Variants in MIIP observed in about 807,000 individuals in gnomAD.
MIIP encodes the protein migration and invasion-inhibitory protein.
Under a neutral mutation model 44.8 loss-of-function variants are expected in MIIP, and 44 were observed. The observed-to-expected ratio is 0.98, with a 90% CI of 0.77 to 1.26. The LOEUF is 1.26. Among genes scored for constraint, MIIP ranks in the 50% most tolerant of loss-of-function variants. The pLI, the probability that MIIP is intolerant of heterozygous loss-of-function variation, is 0.00. For missense variants in MIIP, 496 were observed against 511.7 expected, an observed-to-expected ratio of 0.97 and a Z score of 0.30; for synonymous variants, 225 against 218.3, an observed-to-expected ratio of 1.03 and a Z score of -0.27.
chr1:12,021,503 T>TGTC (rs1194261558), intron 1 of MIIP, 142 bp from the exon 2 acceptor site: 1 of 570,142 alleles, frequency 1.8e-6, no homozygotes, highest in African/African-American at 1.9e-5. Context: ...TAGATACTGT[T>TGTC]GTCGTCCAGC....
At position 12,031,263 on chromosome 1, in the gene MIIP, C is replaced by T. The variant is rs371268738; in HGVS notation, c.943-3C>T. The T allele has an allele frequency of 6.7e-5, 108 of 1,612,770 alleles. No homozygotes were observed. The highest frequency in any genetic ancestry group is 3.8e-4 in the Admixed American group (23 of 59,834). On this transcript the variant is annotated splice_polypyrimidine_tract_variant and splice_region_variant and intron_variant, in intron 8 of 9. Transcript: ENST00000235332. ...GGCACTTTTAACTCCTTGCCTTCCA[C>T]AGCACTGCCTGCTGGGCTGGGACAT...
intron 4 of MIIP, 140 bp from the exon 5 acceptor site, chr1:12,028,893 T>C: frequency 1.5e-6 from 1 of 662,898 alleles, no homozygotes; most frequent in Middle Eastern, 4.1e-4. Context: ...GGGGCCCTCC[T>C]GGCCTGTTTG....
chr1:12,025,675 G>T (rs1291908348), intron 4 of MIIP, among the ~76,000 whole-genome samples: 4 of 152,096 alleles, frequency 2.6e-5, no homozygotes, highest in East Asian at 3.9e-4. Flanking sequence ...CCCATGATGT[G>T]ACCTCCCGTC....
At chr1:12,031,509 G>C in intron 9 of MIIP, 106 bp downstream of exon 9, 1 of 1,560,012 alleles carries the variant, frequency 6.4e-7, no homozygotes, top group South Asian at 1.2e-5. Context: ...ATTGAGGTGG[G>C]GAGGATGGAG....
intron 4 of MIIP, among the ~76,000 whole-genome samples, chr1:12,027,389 C>T (rs1010328447): frequency 2.6e-5 from 4 of 152,166 alleles, no homozygotes; most frequent in Non-Finnish European, 1.5e-5. Context: ...CAGTGGCCTC[C>T]GTGGTGCCAA....
chr1:12,027,839 C>A (rs1640135510), intron 4 of MIIP, among the ~76,000 whole-genome samples: 1 of 152,206 alleles, frequency 6.6e-6, no homozygotes, highest in Non-Finnish European at 1.5e-5. Context: ...AATGGCAACT[C>A]CAAATACTAA....
chr1:12,023,057 CTCTT>C, intron 4 of MIIP, 140 bp downstream of exon 4: 2 of 522,154 alleles, frequency 3.8e-6, no homozygotes, highest in Non-Finnish European at 6.6e-6. Context: ...GGGGAGCACC[CTCTT>C]TTTTTTTTTT....
intron 8 of MIIP, 67 bp downstream of exon 8, chr1:12,030,191 G>A: frequency 6.7e-7 from 1 of 1,496,716 alleles, no homozygotes; most frequent in Non-Finnish European, 9.3e-7. Context: ...CAGATCCCCA[G>A]GGAGGGTCAC....
intron 4 of MIIP, 140 bp downstream of exon 4, chr1:12,023,057 C>CCCT: frequency 1.9e-6 from 1 of 522,158 alleles, no homozygotes. Flanking sequence ...GGGGAGCACC[C>CCCT]TCTTTTTTTT....
chr1:12,029,441 A>G (rs748633188), intron 6 of MIIP, 160 bp downstream of exon 6: 87 of 851,782 alleles, frequency 1.0e-4, no homozygotes, highest in Non-Finnish European at 1.6e-4. Flanking sequence ...AGGGTGGCCA[A>G]GCCCTGGTAG....
At chr1:12,020,610 C>T (rs758007104) in intron 1 of MIIP, among the ~76,000 whole-genome samples, 13 of 152,128 alleles carry the variant, frequency 8.5e-5, no homozygotes, top group Non-Finnish European at 1.3e-4. Flanking sequence ...CAGGTTCAAG[C>T]GATTCTCCTG....
rs766822044 is a variant in MIIP, at chr1:12,022,935, C to T, written c.547+18C>T. 26 of 1,591,956 alleles carry T rather than the reference C, an allele frequency of 1.6e-5. 1 individual carries two copies. The highest frequency in any genetic ancestry group is 1.7e-4 in the Middle Eastern group (1 of 5,830). The stretch of plus-strand genomic sequence containing the variant: ...GATTGCAGGTAAGGCGTGCTGTTGC[C>T]CTGCACACACTTTGCCTGGGAGTGG... On this transcript the variant is annotated intron_variant, in intron 4 of 9. Coordinates refer to ENST00000235332, the MANE Select transcript of MIIP (RefSeq NM_021933.4).
In MIIP at chr1:12,021,792, G is replaced by A. The variant is rs764148857; in HGVS notation, c.66G>A (p.Trp22Ter). ...ATCTGGAGCTCCTGAGGCAGCTGTG[G>A]GTGGGGCAGGATGCTGTGCGGCGGT... ...LLNLELLRQL[W>*]VGQDAVRRSV... Residue 22 changes from tryptophan to a stop codon, truncating the protein, a stop_gained, in exon 2 of 10, where the codon TGG becomes TGA. Coordinates refer to ENST00000235332, the MANE Select transcript of MIIP (RefSeq NM_021933.4). LOFTEE classifies it high-confidence loss of function. 6 of 1,612,806 alleles carry A rather than the reference G, an allele frequency of 3.7e-6. No individual in the cohort carries two copies. In the South Asian group the frequency reaches 5.5e-5, roughly 15 times the overall value.
Position 12,028,817 on chromosome 1 carries a change from A to G in MIIP, c.548-216A>G, listed in dbSNP as rs193262648. The G allele has an allele frequency of 3.8e-5, 22 of 574,526 alleles. 1 individual carries two copies. In the East Asian group the frequency reaches 6.4e-4, roughly 17 times the overall value. The allele number at this position is 574,526 out of a possible 1,614,324, so 35.6% of individuals were successfully genotyped here. A position where few individuals can be genotyped will look rare whatever the true frequency, so the allele number is the denominator to read the frequency against. On this transcript the variant is annotated intron_variant, in intron 4 of 9. Coordinates refer to ENST00000235332, the MANE Select transcript of MIIP (RefSeq NM_021933.4). ...TAAGGGCTCTGTCGATATTTTTTCC[A>G]TGGATGGTTGGCTATGCATCAGGGT... is the stretch of plus-strand genomic sequence containing the variant.
intron 4 of MIIP, among the ~76,000 whole-genome samples, chr1:12,027,555 G>A (rs938614961): frequency 1.3e-5 from 2 of 152,256 alleles, no homozygotes; most frequent in Middle Eastern, 3.4e-3. Context: ...GGGAAGGAAA[G>A]GTCCTTGTTC....
rs201409138 is a variant in MIIP, at chr1:12,029,153, C to T, written c.656+12C>T. On this transcript the variant is annotated intron_variant, in intron 5 of 9. Coordinates refer to ENST00000235332, the MANE Select transcript of MIIP (RefSeq NM_021933.4). ...TGCAGCCATCCTGAGTGAGCAGGGG[C>T]GGGCGAGGGTGGGCGAGGGCGGCTG... is the stretch of plus-strand genomic sequence containing the variant. 6.2e-5 allele frequency: 95 copies of T among 1,527,938 alleles called. No individual in the cohort carries two copies. Among genetic ancestry groups the T allele is most frequent in the African/African-American group, 2.0e-4 (15 of 73,376 alleles). The allele number at this position is 1,527,938 out of a possible 1,614,324, so 94.6% of individuals were successfully genotyped here. A position where few individuals can be genotyped will look rare whatever the true frequency, so the allele number is the denominator to read the frequency against.
chr1:12,030,338 C>T (rs934763596), intron 8 of MIIP, among the ~76,000 whole-genome samples: 3 of 152,120 alleles, frequency 2.0e-5, no homozygotes, highest in Non-Finnish European at 4.4e-5. Flanking sequence ...GGGTGATCTG[C>T]CTGCAGGCTG....
At chr1:12,029,416 G>T in intron 6 of MIIP, 135 bp downstream of exon 6, 1 of 1,040,060 alleles carries the variant, frequency 9.6e-7, no homozygotes. Context: ...ATGGAGGGAG[G>T]CCTGCAGTCT....
intron 6 of MIIP, 89 bp downstream of exon 6, chr1:12,029,370 T>A (rs1419990672): frequency 3.5e-6 from 5 of 1,418,952 alleles, no homozygotes; most frequent in Non-Finnish European, 4.8e-6. Context: ...CATTTGAGGT[T>A]TGGGGCCTGG....
Sources: gnomAD v4.1 joint callset for allele counts (sites outside exome capture counted in the v4.1 genomes callset) on GRCh38, gnomAD v4.1.1 for gene constraint, MANE v1.5 for transcripts, NCBI Gene and HGNC (gene_info 2026-07-23, HGNC 2026-07-21) for gene names.